The following MYLK4 variants were observed in gnomAD, a reference collection of about 807,000 sequenced individuals.
MYLK4 encodes the protein caMLCK like.
MYLK4 carries 46 observed loss-of-function variants against 48.1 expected under a neutral mutation model. That is an observed-to-expected ratio of 0.96 (90% CI 0.75 to 1.22). The LOEUF (loss-of-function observed/expected upper bound fraction) is 1.22, where lower values mean the gene tolerates loss of function less well. MYLK4 is among the 50% of genes most tolerant of loss of function. The pLI is 0.00. For synonymous variants in MYLK4, 170 were observed against 180.8 expected, an observed-to-expected ratio of 0.94 and a Z score of 0.48; for missense variants, 451 against 486.1, an observed-to-expected ratio of 0.93 and a Z score of 0.68.
chr6:2,735,912 T>C (rs1428606731), intron 2 of MYLK4, among the ~76,000 whole-genome samples: 3 of 152,160 alleles, frequency 2.0e-5, no homozygotes, highest in Non-Finnish European at 4.4e-5. Flanking sequence ...CTCCCAATAA[T>C]CCTGCAAGGT....
At chr6:2,729,400 C>T (rs1731084169) in intron 2 of MYLK4, among the ~76,000 whole-genome samples, 1 of 152,236 alleles carries the variant, frequency 6.6e-6, no homozygotes, top group South Asian at 2.1e-4. Flanking sequence ...GGCTGTGGGA[C>T]ACAGAGATCG....
At chr6:2,712,065 C>G (rs912702) in intron 2 of MYLK4, among the ~76,000 whole-genome samples, 130,709 of 152,162 alleles carry the variant, frequency 0.86, 56,219 homozygotes, top group Admixed American at 0.89. Flanking sequence ...AAGCAGAAGA[C>G]GGACTGCTGT....
At chr6:2,701,861 G>A (rs932152920) in intron 2 of MYLK4, among the ~76,000 whole-genome samples, 4 of 152,180 alleles carry the variant, frequency 2.6e-5, no homozygotes, top group East Asian at 1.9e-4. Flanking sequence ...TTTCAGAAGC[G>A]TTGACCTAGT....
At chr6:2,669,285 C>G (rs1000795295) in intron 12 of MYLK4, among the ~76,000 whole-genome samples, 1 of 152,220 alleles carries the variant, frequency 6.6e-6, no homozygotes, top group South Asian at 2.1e-4. Context: ...GCTGCCCCAG[C>G]GTGGCCAGCC....
At chr6:2,712,425 A>G (rs1162263886) in intron 2 of MYLK4, among the ~76,000 whole-genome samples, 3 of 152,200 alleles carry the variant, frequency 2.0e-5, no homozygotes, top group Non-Finnish European at 4.4e-5. Flanking sequence ...TCAAGTAGAG[A>G]GCCAACAGGC....
At chr6:2,762,224 C>G in the MYLK4 span, among the ~76,000 whole-genome samples, 4 of 152,068 alleles carry the variant, frequency 2.6e-5, no homozygotes, top group African/African-American at 7.2e-5. Flanking sequence ...AATTTTTACT[C>G]CCATAGTACA....
the MYLK4 span, among the ~76,000 whole-genome samples, chr6:2,759,259 C>T: frequency 1.3e-4 from 20 of 152,180 alleles, no homozygotes; most frequent in Non-Finnish European, 2.4e-4. Flanking sequence ...CACAATACCA[C>T]GCCAAGCTAA....
intron 2 of MYLK4, among the ~76,000 whole-genome samples, chr6:2,707,704 G>A (rs966222637): frequency 6.6e-6 from 1 of 152,112 alleles, no homozygotes; most frequent in African/African-American, 2.4e-5. Flanking sequence ...GACAATAAAT[G>A]TCAAAGTCAA....
intron 4 of MYLK4, among the ~76,000 whole-genome samples, chr6:2,688,274 G>T (rs1761635979): frequency 6.6e-6 from 1 of 152,076 alleles, no homozygotes; most frequent in South Asian, 2.1e-4. Context: ...GGCCAGGATG[G>T]TCTCGAACTC....
chr6:2,742,932 G>A (rs1002425932), intron 2 of MYLK4, among the ~76,000 whole-genome samples: 2 of 152,088 alleles, frequency 1.3e-5, no homozygotes, highest in Non-Finnish European at 2.9e-5. Flanking sequence ...AACTCCCCTA[G>A]AGAAATTTTT....
At chr6:2,769,491 A>G in the MYLK4 span, among the ~76,000 whole-genome samples, 2 of 152,178 alleles carry the variant, frequency 1.3e-5, no homozygotes, top group Admixed American at 1.3e-4. Flanking sequence ...ATTTTTAGGC[A>G]TAACTTTAAA....
chr6:2,735,611 C>T (rs532026081), intron 2 of MYLK4, among the ~76,000 whole-genome samples: 1 of 152,270 alleles, frequency 6.6e-6, no homozygotes, highest in South Asian at 2.1e-4. Flanking sequence ...GAATGATCCC[C>T]ATGGGGACGG....
At chr6:2,688,824 A>G in intron 4 of MYLK4, 27 bp downstream of exon 4, 3 of 1,572,518 alleles carry the variant, frequency 1.9e-6, no homozygotes, top group Non-Finnish European at 2.6e-6. Context: ...TTTTGTTGAG[A>G]GAATATTAAC....
chr6:2,689,040 T>C (rs1010473167), intron 3 of MYLK4, 84 bp from the exon 4 acceptor site: 1 of 1,005,470 alleles, frequency 9.9e-7, no homozygotes, highest in Non-Finnish European at 1.6e-6. Context: ...ATAGTAAAAA[T>C]GTGCTCATTT....
intron 3 of MYLK4, among the ~76,000 whole-genome samples, chr6:2,689,721 T>C (rs1040660966): frequency 6.6e-6 from 1 of 152,260 alleles, no homozygotes; most frequent in African/African-American, 2.4e-5. Flanking sequence ...TCTTCGTTAA[T>C]TCATTTACTA....
Position 2,667,335 on chromosome 6 carries a change from G to A in MYLK4, c.*590C>T, listed in dbSNP as rs917365768. On this transcript the variant is annotated 3_prime_UTR_variant, in exon 13 of 13. Transcript: ENST00000274643. ...GCCTCTTGTTGGAGAATTCAAAGAC[G>A]GCTTCTGTTCCAGCAAACAAATTAT... 11 of 152,150 alleles carry A rather than the reference G, an allele frequency of 7.2e-5. No individual in the cohort carries two copies. Among genetic ancestry groups the A allele is most frequent in the African/African-American group, 1.2e-4 (5 of 41,436 alleles). The allele number at this position is 152,150 out of a possible 1,614,324, so 9.4% of individuals were successfully genotyped here.
intron 2 of MYLK4, among the ~76,000 whole-genome samples, chr6:2,699,933 G>C (rs2113209637): frequency 6.6e-6 from 1 of 152,186 alleles, no homozygotes; most frequent in Non-Finnish European, 1.5e-5. Context: ...CTTCTATCCA[G>C]CCTGTCTGTG....
At chr6:2,763,298 C>T in the MYLK4 span, among the ~76,000 whole-genome samples, 8 of 152,256 alleles carry the variant, frequency 5.3e-5, no homozygotes, top group Non-Finnish European at 1.2e-4. Context: ...ACTGGGGCTG[C>T]AGTATAGAGT....
In MYLK4 at chr6:2,673,309, T is replaced by C. The variant is rs994622494; in HGVS notation, c.1119+1738A>G. Among the ~76,000 whole-genome samples the C allele has an allele frequency of 6.6e-6, 1 of 152,220 alleles. No homozygotes were observed. The highest frequency in any genetic ancestry group is 2.4e-5 in the African/African-American group (1 of 41,458). ...TGAGGTACCCACTAGGTAATAAGTC[T>C]ATTTTTACTTGACATCAGTACCAAT... On this transcript the variant is annotated intron_variant, in intron 11 of 12. Transcript: ENST00000274643. The surrounding 1 kb of genome is among the most constrained non-coding windows in gnomAD (Gnocchi z 4.2).
Sources: gnomAD v4.1 joint callset for allele counts (sites outside exome capture counted in the v4.1 genomes callset) on GRCh38, gnomAD v4.1.1 for gene constraint, Gnocchi (gnomAD v3.1) non-coding constraint, MANE v1.5 for transcripts, NCBI Gene and HGNC (gene_info 2026-07-23, HGNC 2026-07-21) for gene names.